RNF13: variants seen among roughly 807,000 people sequenced by gnomAD.
RNF13 encodes the protein E3 ubiquitin-protein ligase RNF13.
A neutral mutation model predicts 37.7 loss-of-function variants in RNF13; 19 were observed. The ratio of observed to expected loss-of-function variants is 0.50; its 90% CI spans 0.35 to 0.74. The LOEUF (loss-of-function observed/expected upper bound fraction) is 0.74. Among genes scored for constraint, RNF13 ranks in the 30% least tolerant of loss-of-function variants. The pLI is 0.01. For missense variants in RNF13, 375 were observed against 453.0 expected, an observed-to-expected ratio of 0.83 and a Z score of 1.56; for synonymous variants, 144 against 157.8, an observed-to-expected ratio of 0.91 and a Z score of 0.65.
intron 4 of RNF13, among the ~76,000 whole-genome samples, chr3:149,880,402 A>G (rs1410872734): frequency 6.6e-6 from 1 of 152,208 alleles, no homozygotes; most frequent in African/African-American, 2.4e-5. Context: ...ACTAGAGAAT[A>G]TTTATGAATA....
At chr3:149,886,832 G>T (rs879316567) in intron 4 of RNF13, among the ~76,000 whole-genome samples, 5 of 152,154 alleles carry the variant, frequency 3.3e-5, no homozygotes, top group Non-Finnish European at 7.3e-5. Flanking sequence ...TATAGTGTTA[G>T]TAGTATCCAA....
intron 5 of RNF13, among the ~76,000 whole-genome samples, chr3:149,900,463 A>G (rs1212079735): frequency 2.6e-5 from 4 of 152,096 alleles, no homozygotes; most frequent in African/African-American, 4.8e-5. Context: ...AGCCCCAGCT[A>G]CTTGGGAGGC....
chr3:149,906,615 G>A (rs1320117317), intron 6 of RNF13, among the ~76,000 whole-genome samples: 19 of 136,880 alleles, frequency 1.4e-4, no homozygotes. Context: ...ATTCAAGAGT[G>A]TGGTATGTCC....
intron 1 of RNF13, among the ~76,000 whole-genome samples, chr3:149,821,264 A>G (rs1719969956): frequency 6.6e-6 from 1 of 152,152 alleles, no homozygotes; most frequent in African/African-American, 2.4e-5. Flanking sequence ...TAGCTAAACC[A>G]TTTTACATTC....
chr3:149,854,695 T>G (rs1435535349), intron 3 of RNF13, among the ~76,000 whole-genome samples: 1 of 152,174 alleles, frequency 6.6e-6, no homozygotes, highest in East Asian at 1.9e-4. Flanking sequence ...TTATTTTTTC[T>G]CTCATCAGGA....
At position 149,821,071 on chromosome 3, in the gene RNF13, C is replaced by T. The variant is rs540531179; in HGVS notation, c.-17+7718C>T. Among the ~76,000 whole-genome samples, 16 of 152,220 alleles carry T rather than the reference C, an allele frequency of 1.1e-4. No individual in the cohort carries two copies. In the East Asian group the frequency reaches 2.7e-3, roughly 26 times the overall value. On this transcript the variant is annotated intron_variant, in intron 1 of 9. Transcript: ENST00000392894. The stretch of plus-strand genomic sequence containing the variant: ...TCAGTTTGTTTATCCATTTATCCAT[C>T]GATGGATATTTGGGTTGTTTCCACC...
chr3:149,936,968 A>G (rs972167228), intron 8 of RNF13, among the ~76,000 whole-genome samples: 7 of 152,100 alleles, frequency 4.6e-5, no homozygotes, highest in African/African-American at 1.4e-4. Context: ...CGCACTGACC[A>G]TCTTGGGTTA....
At position 149,928,042 on chromosome 3, in the gene RNF13, A is replaced by G. The variant is rs1290069205; in HGVS notation, c.700+6815A>G. ...TTTTTTTGCTTGTGAAGGAAATTAA[A>G]GAAGACCTCAATAAATGGAAAAGCA... On this transcript the variant is annotated intron_variant, in intron 8 of 9. Transcript: ENST00000392894. 2.0e-5 allele frequency among the ~76,000 whole-genome samples: 3 copies of G among 150,558 alleles called. No homozygotes were observed. In the South Asian group the frequency reaches 6.3e-4, roughly 32 times the overall value.
chr3:149,866,535 G>A (rs1280483482), intron 3 of RNF13, among the ~76,000 whole-genome samples: 1 of 152,184 alleles, frequency 6.6e-6, no homozygotes, highest in East Asian at 1.9e-4. Context: ...CCTGTGTCTA[G>A]TGCTGACCTC....
At chr3:149,954,077 A>G (rs894326741) in intron 8 of RNF13, among the ~76,000 whole-genome samples, 5 of 152,148 alleles carry the variant, frequency 3.3e-5, no homozygotes, top group African/African-American at 1.2e-4. Flanking sequence ...AGCTAGTTGT[A>G]TGTTTGTTTT....
intron 6 of RNF13, among the ~76,000 whole-genome samples, chr3:149,909,401 G>A (rs1716751856): frequency 6.6e-6 from 1 of 151,682 alleles, no homozygotes; most frequent in Admixed American, 6.6e-5. Context: ...TTAGCCCCTG[G>A]GGAAGCTGGG....
At chr3:149,908,690 G>A (rs1468051658) in intron 6 of RNF13, among the ~76,000 whole-genome samples, 1 of 152,208 alleles carries the variant, frequency 6.6e-6, no homozygotes, top group East Asian at 1.9e-4. Flanking sequence ...ACAGGTTATT[G>A]CCTGGAAAGC....
At chr3:149,919,329 G>A (rs767094589) in intron 7 of RNF13, among the ~76,000 whole-genome samples, 1 of 152,242 alleles carries the variant, frequency 6.6e-6, no homozygotes, top group South Asian at 2.1e-4. Flanking sequence ...TCAAGATAAT[G>A]AAATATTAAC....
intron 7 of RNF13, among the ~76,000 whole-genome samples, chr3:149,914,318 T>A (rs1717283583): frequency 6.6e-6 from 1 of 152,156 alleles, no homozygotes; most frequent in South Asian, 2.1e-4. Context: ...ATGTTTTTTT[T>A]AATTAGAGAG....
At chr3:149,881,913 G>A (rs1713451259) in intron 4 of RNF13, among the ~76,000 whole-genome samples, 1 of 152,114 alleles carries the variant, frequency 6.6e-6, no homozygotes, top group Non-Finnish European at 1.5e-5. Flanking sequence ...CTAAGCTTCA[G>A]CGTTAAAACC....
chr3:149,887,775 T>G (rs1436742849), intron 4 of RNF13, among the ~76,000 whole-genome samples: 5 of 152,194 alleles, frequency 3.3e-5, no homozygotes, highest in Non-Finnish European at 7.3e-5. Flanking sequence ...TTCAGTACAA[T>G]GTTGAATAGA....
intron 1 of RNF13, among the ~76,000 whole-genome samples, chr3:149,835,357 G>A (rs1254644604): frequency 6.6e-6 from 1 of 152,074 alleles, no homozygotes; most frequent in Non-Finnish European, 1.5e-5. Context: ...ACATGAGTAA[G>A]TTCTTTAGTG....
chr3:149,843,637 T>G (rs1722375564), intron 1 of RNF13, among the ~76,000 whole-genome samples: 2 of 152,248 alleles, frequency 1.3e-5, no homozygotes, highest in South Asian at 4.1e-4. Context: ...CATTGGCTTT[T>G]GAAGCCCTTG....
chr3:149,822,938 T>C (rs542384210), intron 1 of RNF13, among the ~76,000 whole-genome samples: 1 of 152,252 alleles, frequency 6.6e-6, no homozygotes, highest in East Asian at 1.9e-4. Flanking sequence ...TTTTTCTGTT[T>C]TTTCTTGAAG....
Sources: gnomAD v4.1 joint callset for allele counts (sites outside exome capture counted in the v4.1 genomes callset) on GRCh38, gnomAD v4.1.1 for gene constraint, MANE v1.5 for transcripts, NCBI Gene and HGNC (gene_info 2026-07-23, HGNC 2026-07-21) for gene names.